The following SLC25A21 variants were observed in gnomAD, a reference collection of about 807,000 sequenced individuals.
SLC25A21 encodes mitochondrial 2-oxodicarboxylate carrier.
A neutral mutation model predicts 43.8 loss-of-function variants in SLC25A21; 47 were observed. The ratio of observed to expected loss-of-function variants is 1.07; its 90% CI spans 0.85 to 1.37. SLC25A21 has a LOEUF of 1.37. Among genes scored for constraint, SLC25A21 ranks in the 40% most tolerant of loss-of-function variants. The pLI is 0.00. For synonymous variants in SLC25A21, 131 were observed against 121.3 expected, an observed-to-expected ratio of 1.08 and a Z score of -0.52; for missense variants, 352 against 350.2, an observed-to-expected ratio of 1.00 and a Z score of -0.04.
chr14:36,988,170 C>G (rs1017999209), intron 1 of SLC25A21, among the ~76,000 whole-genome samples: 1 of 152,114 alleles, frequency 6.6e-6, no homozygotes, highest in African/African-American at 2.4e-5. Flanking sequence ...TGTGTAATAT[C>G]GGGGGAGAGA....
At chr14:37,056,547 G>T (rs980346780) in intron 1 of SLC25A21, among the ~76,000 whole-genome samples, 1 of 151,474 alleles carries the variant, frequency 6.6e-6, no homozygotes, top group East Asian at 1.9e-4. Flanking sequence ...GCATAAGAAT[G>T]GACTAATACA....
intron 3 of SLC25A21, among the ~76,000 whole-genome samples, chr14:36,791,411 T>G (rs763551076): frequency 1.4e-4 from 21 of 152,274 alleles, no homozygotes; most frequent in Non-Finnish European, 2.4e-4. Flanking sequence ...CAGTGAAAAC[T>G]TCTAGGTTTT....
chr14:36,750,784 G>A lies in SLC25A21; in HGVS notation c.204-16211C>T, dbSNP rs558641042. ...TCTTACCCAGATGACTATCTGTTAG[G>A]AAGCAGACCAAAGGATTCAGTACCT... On this transcript the variant is annotated intron_variant, in intron 3 of 9. Coordinates refer to ENST00000331299, the MANE Select transcript of SLC25A21 (RefSeq NM_030631.4). Among the ~76,000 whole-genome samples the A allele has an allele frequency of 2.6e-5, 4 of 152,286 alleles. No individual in the cohort carries two copies. The East Asian group carries it at 7.7e-4, about 29-fold the overall frequency.
intron 1 of SLC25A21, among the ~76,000 whole-genome samples, chr14:36,955,129 T>C (rs867463492): frequency 9.2e-5 from 14 of 152,280 alleles, no homozygotes; most frequent in African/African-American, 2.9e-4. Context: ...AGACATTCAA[T>C]AAATGCTTGT....
At chr14:36,813,346 ATAAT>A (rs1175124839) in intron 3 of SLC25A21, among the ~76,000 whole-genome samples, 8 of 147,228 alleles carry the variant, frequency 5.4e-5, no homozygotes, top group Non-Finnish European at 1.2e-4. Context: ...AATAGATCAG[ATAAT>A]TAATCGGACG....
intron 1 of SLC25A21, among the ~76,000 whole-genome samples, chr14:36,969,911 AG>A (rs1053147334): frequency 2.0e-5 from 3 of 152,104 alleles, no homozygotes; most frequent in Non-Finnish European, 4.4e-5. Flanking sequence ...AATGCCTCTC[AG>A]GTGCCTTAGA....
Position 36,920,368 on chromosome 14 carries a change from G to T in SLC25A21, c.71-45364C>A, listed in dbSNP as rs1358523020. Among the ~76,000 whole-genome samples the T allele has an allele frequency of 2.0e-5, 3 of 152,030 alleles. 1 individual carries two copies. Among genetic ancestry groups the T allele is most frequent in the Admixed American group, 2.0e-4 (3 of 15,244 alleles). On this transcript the variant is annotated intron_variant, in intron 1 of 9. Coordinates refer to ENST00000331299, the MANE Select transcript of SLC25A21 (RefSeq NM_030631.4). ...TTTTTAAGCATATAGATTCAAGTTGGTTTAACTATGTTTACTTTTACATCA... is the reference window on the plus strand; with the variant it reads ...TTTTTAAGCATATAGATTCAAGTTGTTTTAACTATGTTTACTTTTACATCA...
intron 5 of SLC25A21, 37 bp from the exon 6 acceptor site, chr14:36,725,714 T>A: frequency 7.2e-7 from 1 of 1,397,150 alleles, no homozygotes; most frequent in Non-Finnish European, 9.8e-7. Flanking sequence ...TTAAAACAAG[T>A]TATCATGTGT....
At chr14:36,953,954 T>C (rs957668494) in intron 1 of SLC25A21, among the ~76,000 whole-genome samples, 6 of 152,168 alleles carry the variant, frequency 3.9e-5, no homozygotes, top group Admixed American at 6.5e-5. Context: ...CATCTTCACA[T>C]GGAATAATTA....
intron 1 of SLC25A21, among the ~76,000 whole-genome samples, chr14:37,119,754 C>G (rs1963172780): frequency 6.6e-6 from 1 of 152,042 alleles, no homozygotes; most frequent in Non-Finnish European, 1.5e-5. Flanking sequence ...CTCTTGGGGT[C>G]TGGATGGGAA....
intron 7 of SLC25A21, among the ~76,000 whole-genome samples, chr14:36,696,429 C>T (rs375387352): frequency 6.6e-6 from 1 of 151,966 alleles, no homozygotes; most frequent in African/African-American, 2.4e-5. Context: ...TCATAAAATG[C>T]GTTAGGGAGG....
intron 2 of SLC25A21, among the ~76,000 whole-genome samples, chr14:36,874,703 T>C (rs147336251): frequency 1.4e-4 from 21 of 152,362 alleles, no homozygotes; most frequent in East Asian, 5.8e-4. Context: ...TTTACCAATA[T>C]AGCTACAAAT....
At chr14:37,143,258 A>G (rs1963600827) in intron 1 of SLC25A21, among the ~76,000 whole-genome samples, 1 of 152,176 alleles carries the variant, frequency 6.6e-6, no homozygotes, top group Non-Finnish European at 1.5e-5. Context: ...TACGAAAGCA[A>G]AATATCAAAT....
chr14:36,792,203 C>T (rs1887510105), intron 3 of SLC25A21, among the ~76,000 whole-genome samples: 1 of 152,072 alleles, frequency 6.6e-6, no homozygotes, highest in South Asian at 2.1e-4. Context: ...TGATGTGTCC[C>T]ACGCTAGTCC....
intron 2 of SLC25A21, among the ~76,000 whole-genome samples, chr14:36,871,209 C>T (rs902690024): frequency 1.3e-5 from 2 of 151,742 alleles, no homozygotes; most frequent in African/African-American, 4.8e-5. Flanking sequence ...GAGGGTAGAG[C>T]CCTCAGGAAT....
chr14:37,026,954 G>C (rs192155667), intron 1 of SLC25A21, among the ~76,000 whole-genome samples: 2 of 152,144 alleles, frequency 1.3e-5, no homozygotes, highest in East Asian at 3.9e-4. Flanking sequence ...TCTTTGAGAG[G>C]AGAAAAAACG....
At chr14:36,856,291 T>G (rs575856594) in intron 2 of SLC25A21, among the ~76,000 whole-genome samples, 19 of 152,292 alleles carry the variant, frequency 1.2e-4, no homozygotes, top group African/African-American at 4.6e-4. Context: ...CGGGCTTTGT[T>G]TGCTCTCCCT....
At chr14:36,796,125 G>A (rs1375349200) in intron 3 of SLC25A21, among the ~76,000 whole-genome samples, 1 of 152,124 alleles carries the variant, frequency 6.6e-6, no homozygotes, top group Non-Finnish European at 1.5e-5. Context: ...AAGTCTCTAA[G>A]AAGAGCTAAC....
In SLC25A21 at chr14:37,082,772, G is replaced by T. The variant is rs532943623; in HGVS notation, c.70+89509C>A. On this transcript the variant is annotated intron_variant, in intron 1 of 9. Coordinates refer to ENST00000331299, the MANE Select transcript of SLC25A21 (RefSeq NM_030631.4). ...AATATTAGCAGATCCCTTTCTGTAG[G>T]CTCCTCTTCACAGTAGTTTGGCCTA... Among the ~76,000 whole-genome samples the T allele has an allele frequency of 5.3e-5, 8 of 152,240 alleles. 1 individual carries two copies. In the South Asian group the frequency reaches 1.7e-3, roughly 32 times the overall value.
Sources: allele counts gnomAD v4.1 joint callset (sites outside exome capture counted in the v4.1 genomes callset), GRCh38; gene constraint gnomAD v4.1.1; transcripts MANE v1.5; gene names NCBI Gene and HGNC (gene_info 2026-07-23, HGNC 2026-07-21).